MGAT4C: variants seen among roughly 807,000 people sequenced by gnomAD.
MGAT4C encodes alpha-1,3-mannosyl-glycoprotein 4-beta-N-acetylglucosaminyltransferase C.
A neutral mutation model predicts 40.1 loss-of-function variants in MGAT4C; 19 were observed. The ratio of observed to expected loss-of-function variants is 0.47; its 90% CI spans 0.33 to 0.70. The LOEUF (loss-of-function observed/expected upper bound fraction) is 0.70, where lower values mean the gene tolerates loss of function less well. Among genes scored for constraint, MGAT4C ranks in the 30% least tolerant of loss-of-function variants. MGAT4C has a pLI of 0.02. For synonymous variants in MGAT4C, 181 were observed against 187.1 expected, an observed-to-expected ratio of 0.97 and a Z score of 0.27; for missense variants, 491 against 563.2, an observed-to-expected ratio of 0.87 and a Z score of 1.30.
chr12:86,224,958 A>G (rs914220405), intron 1 of MGAT4C, among the ~76,000 whole-genome samples: 3 of 152,130 alleles, frequency 2.0e-5, no homozygotes, highest in African/African-American at 7.2e-5. Flanking sequence ...AGAAACCAAA[A>G]TAGAGAATTA....
chr12:86,566,314 A>G (rs1206683998), intron 2 of MGAT4C, among the ~76,000 whole-genome samples: 2 of 151,488 alleles, frequency 1.3e-5, no homozygotes, highest in Non-Finnish European at 2.9e-5. Context: ...CAGCACAGCT[A>G]GAGTATAAAA....
At chr12:86,768,863 T>C (rs1195480039) in intron 1 of MGAT4C, among the ~76,000 whole-genome samples, 6 of 151,840 alleles carry the variant, frequency 4.0e-5, no homozygotes, top group East Asian at 1.9e-4. Context: ...ATACAAAAAT[T>C]AATTCAAGAT....
At chr12:86,112,310 T>A (rs928255316) in intron 1 of MGAT4C, among the ~76,000 whole-genome samples, 1 of 151,682 alleles carries the variant, frequency 6.6e-6, no homozygotes, top group Non-Finnish European at 1.5e-5. Context: ...AGTGGTTTAC[T>A]TCCCCCCCAC....
intron 2 of MGAT4C, among the ~76,000 whole-genome samples, chr12:86,707,528 CT>C (rs755566527): frequency 0.043 from 5,740 of 132,634 alleles, 145 homozygotes; most frequent in African/African-American, 0.091. Context: ...TTTTTCTTTT[CT>C]TTTTTTTTTT....
chr12:86,698,631 A>T (rs1950301431), intron 2 of MGAT4C, among the ~76,000 whole-genome samples: 1 of 151,812 alleles, frequency 6.6e-6, no homozygotes, highest in African/African-American at 2.4e-5. Context: ...CTGTCAAAAA[A>T]TTGCTGGAAT....
At chr12:86,767,095 A>G (rs2434117) in intron 1 of MGAT4C, among the ~76,000 whole-genome samples, 127,682 of 151,992 alleles carry the variant, frequency 0.84, 54,796 homozygotes, top group Non-Finnish European at 0.93. Context: ...TTTTTTGAAA[A>G]GATCAACAAA....
intron 1 of MGAT4C, among the ~76,000 whole-genome samples, chr12:86,092,428 A>G (rs1273399996): frequency 6.6e-6 from 1 of 152,070 alleles, no homozygotes; most frequent in African/African-American, 2.4e-5. Flanking sequence ...CCTATTGTTT[A>G]TCTGAGGCCC....
intron 2 of MGAT4C, among the ~76,000 whole-genome samples, chr12:86,523,774 T>C (rs1452574947): frequency 1.3e-5 from 2 of 152,230 alleles, no homozygotes; most frequent in Non-Finnish European, 1.5e-5. Context: ...TGCTACTGTG[T>C]TGGATGCATA....
chr12:86,098,113 T>C (rs1277471140), intron 1 of MGAT4C, among the ~76,000 whole-genome samples: 1 of 151,700 alleles, frequency 6.6e-6, no homozygotes, highest in East Asian at 1.9e-4. Flanking sequence ...ACTCAAGTCA[T>C]ATTATATGTA....
intron 1 of MGAT4C, among the ~76,000 whole-genome samples, chr12:86,091,601 C>G (rs1348622065): frequency 6.6e-6 from 1 of 152,014 alleles, no homozygotes. Context: ...AAATAATAAA[C>G]AGCAAACTCA....
chr12:86,391,006 G>T (rs944534177), intron 3 of MGAT4C, among the ~76,000 whole-genome samples: 1 of 152,046 alleles, frequency 6.6e-6, no homozygotes, highest in Admixed American at 6.6e-5. Context: ...GGACTTAAAG[G>T]GTTACAGAAT....
At chr12:86,309,282 A>G (rs1481433057) in intron 4 of MGAT4C, among the ~76,000 whole-genome samples, 1 of 141,174 alleles carries the variant, frequency 7.1e-6, no homozygotes, top group East Asian at 2.1e-4. Flanking sequence ...TACCACCACC[A>G]AAAAACTTAG....
chr12:86,456,256 A>C (rs1957510149), intron 2 of MGAT4C, among the ~76,000 whole-genome samples: 1 of 152,106 alleles, frequency 6.6e-6, no homozygotes, highest in Non-Finnish European at 1.5e-5. Context: ...CATCATCATG[A>C]TGTTACAGAG....
At chr12:86,011,567 G>C (rs1888463043) in intron 2 of MGAT4C, among the ~76,000 whole-genome samples, 1 of 152,074 alleles carries the variant, frequency 6.6e-6, no homozygotes, top group African/African-American at 2.4e-5. Context: ...AGATGTTGTT[G>C]GCTTATAATA....
At chr12:86,561,159 A>T (rs1472916791) in intron 2 of MGAT4C, among the ~76,000 whole-genome samples, 1 of 152,190 alleles carries the variant, frequency 6.6e-6, no homozygotes, top group South Asian at 2.1e-4. Flanking sequence ...ATATTACACA[A>T]AACAATCAAC....
intron 2 of MGAT4C, among the ~76,000 whole-genome samples, chr12:86,687,625 G>T (rs1442831732): frequency 6.6e-6 from 1 of 152,148 alleles, no homozygotes; most frequent in Admixed American, 6.5e-5. Context: ...AGGTTGTTCA[G>T]TTTCCATGTA....
chr12:86,285,470 G>A (rs1349966306), intron 4 of MGAT4C, among the ~76,000 whole-genome samples: 1 of 151,880 alleles, frequency 6.6e-6, no homozygotes, highest in Non-Finnish European at 1.5e-5. Flanking sequence ...AATGCAAATA[G>A]CATACAAGAA....
At chr12:86,379,950 T>C (rs1955898017) in intron 3 of MGAT4C, among the ~76,000 whole-genome samples, 1 of 152,072 alleles carries the variant, frequency 6.6e-6, no homozygotes, top group Non-Finnish European at 1.5e-5. Context: ...GATTCATAAG[T>C]GGGTGTTGTA....
At chr12:86,211,765 G>GT (rs1311539998) in intron 1 of MGAT4C, among the ~76,000 whole-genome samples, 3 of 151,326 alleles carry the variant, frequency 2.0e-5, no homozygotes, top group East Asian at 1.9e-4. Flanking sequence ...TACTGGAGTT[G>GT]TTTTTTTGTT....
Sources: allele counts gnomAD v4.1 joint callset (sites outside exome capture counted in the v4.1 genomes callset), GRCh38; gene constraint gnomAD v4.1.1; transcripts MANE v1.5; gene names NCBI Gene and HGNC (gene_info 2026-07-23, HGNC 2026-07-21).